Variants in DDX60 observed in about 807,000 individuals in gnomAD.
The protein encoded by DDX60 is DExD/H-box helicase 60, also known as probable ATP-dependent RNA helicase DDX60.
Under a neutral mutation model 212.8 loss-of-function variants are expected in DDX60, and 165 were observed. The ratio of observed to expected loss-of-function variants is 0.78; its 90% CI spans 0.68 to 0.88. The LOEUF (loss-of-function observed/expected upper bound fraction) is 0.88, where lower values mean the gene tolerates loss of function less well. Among genes scored for constraint, DDX60 ranks in the 40% least tolerant of loss-of-function variants. The probability of loss-of-function intolerance (pLI) is 0.00; values close to 1 mark genes in which losing one functional copy is unlikely to be tolerated. For missense variants in DDX60, 1,905 were observed against 2,003.9 expected (o/e 0.95, Z 0.94); for synonymous variants, 703 against 685.3 (o/e 1.03, Z -0.40).
chr4:168,237,518 C>T, intron 31 of DDX60, 91 bp from the exon 32 acceptor site: 1 of 1,283,474 alleles, frequency 7.8e-7, no homozygotes, highest in Non-Finnish European at 1.0e-6. Flanking sequence ...TATTTAATGC[C>T]AATATAAGAA....
In DDX60 at chr4:168,286,416, A is replaced by ACACACACC. The variant is rs774764702; in HGVS notation, c.1339+631_1339+632insGGTGTGTG. On this transcript the variant is annotated intron_variant, in intron 10 of 37. Transcript: ENST00000393743. ...CACACACACACACACACACACACAC[A>ACACACACC]CCACACGAGATAGATAGATAGATAG... Among the ~76,000 whole-genome samples the ACACACACC allele has an allele frequency of 5.2e-4, 60 of 115,824 alleles. 2 individuals are homozygous for ACACACACC. Among genetic ancestry groups the ACACACACC allele is most frequent in the Admixed American group, 3.9e-3 (46 of 11,918 alleles). The allele number at this position is 115,824 out of a possible 152,430, so 76.0% of individuals were successfully genotyped here. A position where few individuals can be genotyped will look rare whatever the true frequency, so the allele number is the denominator to read the frequency against.
chr4:168,278,632 C>A (rs1354899583), intron 14 of DDX60, among the ~76,000 whole-genome samples: 1 of 152,114 alleles, frequency 6.6e-6, no homozygotes, highest in Non-Finnish European at 1.5e-5. Flanking sequence ...ATGATCCTGG[C>A]CAACATGCCA....
At chr4:168,319,865 G>C (rs1737560622), upstream of DDX60, among the ~76,000 whole-genome samples, 1 of 152,198 alleles carries the variant, frequency 6.6e-6, no homozygotes, top group South Asian at 2.1e-4. Context: ...AACAGAGAGA[G>C]TAGTGAATGA....
intron 8 of DDX60, among the ~76,000 whole-genome samples, chr4:168,291,477 A>G (rs1310560614): frequency 6.6e-6 from 1 of 152,232 alleles, no homozygotes; most frequent in Non-Finnish European, 1.5e-5. Flanking sequence ...ACCATCAACT[A>G]CAGTTGATAA....
intron 19 of DDX60, 76 bp downstream of exon 19, chr4:168,271,967 C>A: frequency 8.4e-7 from 1 of 1,193,852 alleles, no homozygotes; most frequent in Non-Finnish European, 1.2e-6. Flanking sequence ...GGATAGATGT[C>A]CTGAAACACC....
intron 29 of DDX60, 123 bp downstream of exon 29, chr4:168,248,065 G>T: frequency 1.8e-6 from 1 of 569,640 alleles, no homozygotes; most frequent in Non-Finnish European, 2.9e-6. Context: ...GCCAGGCAAG[G>T]ATGAATGTCC....
intron 22 of DDX60, among the ~76,000 whole-genome samples, chr4:168,265,159 C>T (rs1295495295): frequency 2.6e-5 from 4 of 152,144 alleles, no homozygotes; most frequent in Non-Finnish European, 5.9e-5. Context: ...GGATTGAAGG[C>T]GATCCCTCAC....
At chr4:168,235,125 C>G (rs973368832) in intron 33 of DDX60, among the ~76,000 whole-genome samples, 1 of 151,942 alleles carries the variant, frequency 6.6e-6, no homozygotes, top group Non-Finnish European at 1.5e-5. Flanking sequence ...ATCCTTTTCT[C>G]TAGTGAGTTT....
At chr4:168,296,199 TC>T (rs1736334379) in intron 6 of DDX60, among the ~76,000 whole-genome samples, 1 of 152,152 alleles carries the variant, frequency 6.6e-6, no homozygotes, top group South Asian at 2.1e-4. Flanking sequence ...GTTAATTAGC[TC>T]CATGTAATCA....
chr4:168,297,252 CT>C (rs2149540159), intron 6 of DDX60, among the ~76,000 whole-genome samples: 1 of 133,898 alleles, frequency 7.5e-6, no homozygotes, highest in African/African-American at 2.9e-5. Flanking sequence ...AAAAACAGGG[CT>C]GGAAAGAAAG....
intron 7 of DDX60, 143 bp from the exon 8 acceptor site, chr4:168,292,049 C>CT (rs772095573): frequency 0.044 from 13,304 of 302,964 alleles, 26 homozygotes; most frequent in South Asian, 0.059. Context: ...TTCTTTCTTT[C>CT]TTTTTTTTTT....
intron 37 of DDX60, among the ~76,000 whole-genome samples, chr4:168,219,394 T>C (rs1284816227): frequency 5.9e-5 from 9 of 152,120 alleles, no homozygotes; most frequent in Non-Finnish European, 8.8e-5. Context: ...GTGTGAATGA[T>C]TGATTGATTG....
chr4:168,259,141 C>T (rs1246062833), intron 25 of DDX60, among the ~76,000 whole-genome samples: 1 of 152,138 alleles, frequency 6.6e-6, no homozygotes, highest in Non-Finnish European at 1.5e-5. Flanking sequence ...CATGTGCATG[C>T]TTTTCTATTG....
chr4:168,284,145 T>C (rs956645164), intron 12 of DDX60, among the ~76,000 whole-genome samples: 6 of 152,206 alleles, frequency 3.9e-5, no homozygotes, highest in Non-Finnish European at 5.9e-5. Flanking sequence ...TTAATTTTTC[T>C]ATGTCTGTAA....
At chr4:168,219,379 T>A (rs1371364896) in intron 37 of DDX60, among the ~76,000 whole-genome samples, 1 of 152,088 alleles carries the variant, frequency 6.6e-6, no homozygotes, top group East Asian at 1.9e-4. Flanking sequence ...ACTTCTTGGA[T>A]GAATGTGTGA....
chr4:168,316,078 A>C (rs1737357899), intron 1 of DDX60, among the ~76,000 whole-genome samples: 4 of 152,226 alleles, frequency 2.6e-5, no homozygotes, highest in Admixed American at 2.6e-4. Context: ...ATTGGGGAAA[A>C]CCCATCAAGA....
intron 1 of DDX60, among the ~76,000 whole-genome samples, chr4:168,313,039 G>T (rs1170680083): frequency 1.3e-5 from 2 of 152,098 alleles, no homozygotes; most frequent in African/African-American, 4.8e-5. Flanking sequence ...AAATATGCAT[G>T]AAGCATGATT....
intron 30 of DDX60, among the ~76,000 whole-genome samples, chr4:168,245,030 T>C (rs1022377273): frequency 4.6e-5 from 7 of 152,168 alleles, no homozygotes; most frequent in Non-Finnish European, 8.8e-5. Flanking sequence ...GAGCATTGCA[T>C]AGCAATATGA....
At chr4:168,306,135 A>G (rs906745750) in intron 5 of DDX60, among the ~76,000 whole-genome samples, 1 of 152,234 alleles carries the variant, frequency 6.6e-6, no homozygotes, top group South Asian at 2.1e-4. Flanking sequence ...CACCTACCTT[A>G]TAAGATTGGT....
Sources: gnomAD v4.1 joint callset for allele counts (sites outside exome capture counted in the v4.1 genomes callset) on GRCh38, gnomAD v4.1.1 for gene constraint, MANE v1.5 for transcripts, NCBI Gene and HGNC (gene_info 2026-07-23, HGNC 2026-07-21) for gene names.